Variants in BTBD9 observed in about 807,000 individuals in gnomAD.
The protein encoded by BTBD9 is BTB domain containing 9, also known as BTB/POZ domain-containing protein 9.
BTBD9 carries 49 observed loss-of-function variants against 64.3 expected under a neutral mutation model. That is an observed-to-expected ratio of 0.76 (90% CI 0.61 to 0.97). BTBD9 has a LOEUF of 0.97. Among genes scored for constraint, BTBD9 ranks in the 50% least tolerant of loss-of-function variants. The probability of loss-of-function intolerance (pLI) is 0.00; values close to 1 mark genes in which losing one functional copy is unlikely to be tolerated. For synonymous variants in BTBD9, 260 were observed against 274.7 expected, an observed-to-expected ratio of 0.95 and a Z score of 0.53; for missense variants, 598 against 762.1, an observed-to-expected ratio of 0.78 and a Z score of 2.53.
intron 8 of BTBD9, among the ~76,000 whole-genome samples, chr6:38,279,913 A>G (rs1319159407): frequency 6.6e-6 from 1 of 152,220 alleles, no homozygotes; most frequent in African/African-American, 2.4e-5. Flanking sequence ...ATATCCAGCT[A>G]TATCTTATGA....
chr6:38,289,829 A>G (rs185992819), intron 7 of BTBD9, among the ~76,000 whole-genome samples: 39 of 152,296 alleles, frequency 2.6e-4, no homozygotes, highest in African/African-American at 7.9e-4. Context: ...GATGCTCACT[A>G]TGATGTAAGT....
chr6:38,393,857 TAAG>T (rs1230618006), intron 6 of BTBD9, among the ~76,000 whole-genome samples: 2 of 152,182 alleles, frequency 1.3e-5, no homozygotes, highest in African/African-American at 2.4e-5. Context: ...TTCATTCTAT[TAAG>T]AAGAACTGGG....
chr6:38,372,223 T>A (rs1765455880), intron 6 of BTBD9, among the ~76,000 whole-genome samples: 1 of 152,222 alleles, frequency 6.6e-6, no homozygotes, highest in Non-Finnish European at 1.5e-5. Context: ...TCTAAAGTGA[T>A]TAAAATTTAA....
chr6:38,631,697 C>G (rs1778368693), intron 1 of BTBD9, among the ~76,000 whole-genome samples: 1 of 152,162 alleles, frequency 6.6e-6, no homozygotes, highest in African/African-American at 2.4e-5. Flanking sequence ...CAGCCCCAGC[C>G]CCAGCCCCAG....
At chr6:38,419,677 C>T (rs774054202) in intron 6 of BTBD9, among the ~76,000 whole-genome samples, 1 of 152,038 alleles carries the variant, frequency 6.6e-6, no homozygotes, top group African/African-American at 2.4e-5. Context: ...TCAAGACCAG[C>T]CTGACCAACA....
chr6:38,462,999 T>A (rs1044782204), intron 6 of BTBD9, among the ~76,000 whole-genome samples: 3 of 152,208 alleles, frequency 2.0e-5, no homozygotes, highest in African/African-American at 7.2e-5. Context: ...GGTTGCCATG[T>A]TGCCCAGGCT....
chr6:38,298,493 A>G (rs1479642613), intron 7 of BTBD9, among the ~76,000 whole-genome samples: 4 of 152,176 alleles, frequency 2.6e-5, no homozygotes, highest in East Asian at 3.8e-4. Context: ...TGTTGTTTCT[A>G]TGTACTGAAA....
intron 7 of BTBD9, among the ~76,000 whole-genome samples, chr6:38,289,340 C>T (rs1465660169): frequency 2.6e-5 from 4 of 152,136 alleles, no homozygotes; most frequent in Admixed American, 6.5e-5. Context: ...TGCCACTGTC[C>T]TCCAGCCTTA....
chr6:38,230,561 A>G (rs1763564689), intron 9 of BTBD9, among the ~76,000 whole-genome samples: 1 of 151,472 alleles, frequency 6.6e-6, no homozygotes, highest in African/African-American at 2.4e-5. Context: ...AAACCCTCCA[A>G]TAACTCCCCC....
intron 9 of BTBD9, among the ~76,000 whole-genome samples, chr6:38,251,823 C>T (rs894079380): frequency 2.7e-5 from 4 of 147,906 alleles, no homozygotes; most frequent in Non-Finnish European, 4.4e-5. Flanking sequence ...ACCCAGTAGG[C>T]GGAGGCTGCA....
At chr6:38,253,542 T>C (rs755174753) in intron 9 of BTBD9, among the ~76,000 whole-genome samples, 1 of 152,180 alleles carries the variant, frequency 6.6e-6, no homozygotes, top group Non-Finnish European at 1.5e-5. Context: ...AGCCAAACCA[T>C]GTCAACCTTT....
intron 6 of BTBD9, among the ~76,000 whole-genome samples, chr6:38,500,054 C>A (rs1772125621): frequency 6.6e-6 from 1 of 152,150 alleles, no homozygotes; most frequent in South Asian, 2.1e-4. Flanking sequence ...TGTCTGCTAA[C>A]CTTCCCCTCA....
At position 38,592,694 on chromosome 6, in the gene BTBD9, G is replaced by T; in HGVS notation, c.696C>A (p.Leu232=). Residue 232 remains leucine (L), a synonymous_variant, in exon 4 of 11, where the codon CTC becomes CTA. Coordinates refer to ENST00000481247, the MANE Select transcript of BTBD9 (RefSeq NM_001099272.2). ...MQAVRLPLMS[L]TELLNVVRPS... ...GCCTCACAACATTCAGAAGCTCTGT[G>T]AGGCTCATGAGAGGTAAACGCACAG... 1 of 1,614,190 alleles carries T rather than the reference G, an allele frequency of 6.2e-7. No homozygotes were observed. Among genetic ancestry groups the T allele is most frequent in the Non-Finnish European group, 8.5e-7 (1 of 1,180,030 alleles).
At chr6:38,212,465 C>T (rs1762867030) in intron 9 of BTBD9, among the ~76,000 whole-genome samples, 1 of 152,234 alleles carries the variant, frequency 6.6e-6, no homozygotes, top group South Asian at 2.1e-4. Context: ...GATTTGCTCC[C>T]TGTTGCTCAG....
intron 6 of BTBD9, among the ~76,000 whole-genome samples, chr6:38,556,056 A>G (rs988773801): frequency 2.0e-5 from 3 of 152,208 alleles, no homozygotes; most frequent in Non-Finnish European, 4.4e-5. Context: ...TTCCCTATGC[A>G]ACCTTCAAAA....
chr6:38,250,729 T>A (rs1764362298), intron 9 of BTBD9, among the ~76,000 whole-genome samples: 1 of 152,158 alleles, frequency 6.6e-6, no homozygotes, highest in African/African-American at 2.4e-5. Context: ...AATTTCTTCA[T>A]CAACGTAGTA....
intron 9 of BTBD9, among the ~76,000 whole-genome samples, chr6:38,231,150 C>A (rs1027649436): frequency 2.0e-5 from 3 of 152,182 alleles, no homozygotes; most frequent in Admixed American, 6.5e-5. Context: ...ACCTAACTTG[C>A]ATTACTAAAA....
chr6:38,225,844 T>C (rs897260893), intron 9 of BTBD9, among the ~76,000 whole-genome samples: 4 of 152,210 alleles, frequency 2.6e-5, no homozygotes, highest in Admixed American at 6.5e-5. Context: ...GATGTTTGTA[T>C]AGAGTTTTAC....
chr6:38,563,269 A>G (rs1417452110), intron 6 of BTBD9, among the ~76,000 whole-genome samples: 1 of 152,110 alleles, frequency 6.6e-6, no homozygotes, highest in Non-Finnish European at 1.5e-5. Context: ...TTAAGTTTCT[A>G]TTTCTAGCCC....
Sources: allele counts gnomAD v4.1 joint callset (sites outside exome capture counted in the v4.1 genomes callset), GRCh38; gene constraint gnomAD v4.1.1; transcripts MANE v1.5; gene names NCBI Gene and HGNC (gene_info 2026-07-23, HGNC 2026-07-21).